The following LIN7A variants were observed in gnomAD, a reference collection of about 807,000 sequenced individuals.
LIN7A encodes protein lin-7 homolog A.
In LIN7A, 25 loss-of-function variants were observed where a neutral mutation model predicts 29.8. That is an observed-to-expected ratio of 0.84 (90% CI 0.61 to 1.17). The LOEUF (loss-of-function observed/expected upper bound fraction) is 1.17, where lower values mean the gene tolerates loss of function less well. Among genes scored for constraint, LIN7A ranks in the 50% most tolerant of loss-of-function variants. LIN7A has a pLI of 0.00. For synonymous variants in LIN7A, 118 were observed against 107.5 expected (o/e 1.10, Z -0.60); for missense variants, 239 against 287.0 (o/e 0.83, Z 1.21).
chr12:80,863,208 T>G (rs539068519), intron 2 of LIN7A, among the ~76,000 whole-genome samples: 2 of 152,334 alleles, frequency 1.3e-5, no homozygotes, highest in African/African-American at 4.8e-5. Flanking sequence ...CTGATTTCTA[T>G]TAGAGTTCTA....
At chr12:80,802,371 C>T (rs1358955737) in intron 5 of LIN7A, among the ~76,000 whole-genome samples, 1 of 152,158 alleles carries the variant, frequency 6.6e-6, no homozygotes, top group Non-Finnish European at 1.5e-5. Flanking sequence ...TTAGCTGAAG[C>T]TGGACACCTA....
intron 2 of LIN7A, among the ~76,000 whole-genome samples, chr12:80,851,461 AG>A (rs1195601262): frequency 6.6e-6 from 1 of 151,766 alleles, no homozygotes; most frequent in Non-Finnish European, 1.5e-5. Context: ...CAAATCCTGG[AG>A]ATATTAATTC....
intron 1 of LIN7A, among the ~76,000 whole-genome samples, chr12:80,902,160 G>A (rs963665195): frequency 1.3e-5 from 2 of 150,872 alleles, no homozygotes; most frequent in African/African-American, 4.9e-5. Context: ...AAGATCAGAC[G>A]ATTGTAGGTG....
chr12:80,832,470 G>A (rs1427028933), intron 4 of LIN7A: 2 of 451,914 alleles, frequency 4.4e-6, no homozygotes, highest in Admixed American at 2.8e-5. Flanking sequence ...ATCAACTCTG[G>A]TGCTCCTCCA....
chr12:80,805,912 A>C (rs1870954609), intron 5 of LIN7A, among the ~76,000 whole-genome samples: 1 of 126,146 alleles, frequency 7.9e-6, no homozygotes, highest in South Asian at 2.5e-4. Context: ...TGCTGAGACC[A>C]TGTAAGACGT....
intron 3 of LIN7A, among the ~76,000 whole-genome samples, chr12:80,847,578 T>A (rs1193469293): frequency 6.6e-6 from 1 of 152,082 alleles, no homozygotes; most frequent in Non-Finnish European, 1.5e-5. Flanking sequence ...TTATAACATT[T>A]GTGTGTTTGT....
intron 2 of LIN7A, among the ~76,000 whole-genome samples, chr12:80,873,061 G>A (rs1874501152): frequency 6.6e-6 from 1 of 152,196 alleles, no homozygotes; most frequent in African/African-American, 2.4e-5. Context: ...GATGTGTGTG[G>A]CACTGTTCTC....
At chr12:80,915,147 A>G (rs1876963020) in intron 1 of LIN7A, among the ~76,000 whole-genome samples, 1 of 138,642 alleles carries the variant, frequency 7.2e-6, no homozygotes, top group Non-Finnish European at 1.5e-5. Flanking sequence ...ACTTAAATCA[A>G]CAAGCAAAAA....
chr12:80,860,011 G>A (rs1281763110), intron 2 of LIN7A, among the ~76,000 whole-genome samples: 2 of 151,966 alleles, frequency 1.3e-5, no homozygotes, highest in Non-Finnish European at 1.5e-5. Flanking sequence ...ACTCCAATTT[G>A]GATGCATCAT....
At chr12:80,931,623 G>A (rs1877910806) in intron 1 of LIN7A, among the ~76,000 whole-genome samples, 3 of 146,998 alleles carry the variant, frequency 2.0e-5, no homozygotes, top group African/African-American at 5.2e-5. Context: ...GGGCAACAGG[G>A]CAAGACTCTG....
At chr12:80,832,744 A>G in intron 4 of LIN7A, 1 of 422,044 alleles carries the variant, frequency 2.4e-6, no homozygotes, top group Non-Finnish European at 4.7e-6. Context: ...TATTTATGGC[A>G]TAGTGTACAA....
At chr12:80,819,965 C>T (rs919853394) in intron 4 of LIN7A, among the ~76,000 whole-genome samples, 2 of 152,020 alleles carry the variant, frequency 1.3e-5, no homozygotes, top group African/African-American at 2.4e-5. Context: ...AAAAGTTTAC[C>T]AAGTAAATTA....
intron 4 of LIN7A, among the ~76,000 whole-genome samples, chr12:80,817,375 T>G (rs1423835412): frequency 3.9e-5 from 6 of 152,156 alleles, no homozygotes; most frequent in Non-Finnish European, 8.8e-5. Flanking sequence ...GCACTATCAG[T>G]CATCAACTGG....
chr12:80,818,883 G>A (rs571403583), intron 4 of LIN7A, among the ~76,000 whole-genome samples: 1 of 152,220 alleles, frequency 6.6e-6, no homozygotes, highest in East Asian at 1.9e-4. Context: ...GTGTTGGTTA[G>A]ATGAGGGAAA....
intron 5 of LIN7A, among the ~76,000 whole-genome samples, chr12:80,808,785 G>A (rs1402276014): frequency 1.3e-5 from 2 of 151,504 alleles, no homozygotes; most frequent in East Asian, 4.0e-4. Context: ...GATTACAGGC[G>A]TGAGCCACCA....
At chr12:80,901,059 C>G (rs184959078) in intron 1 of LIN7A, among the ~76,000 whole-genome samples, 1 of 152,238 alleles carries the variant, frequency 6.6e-6, no homozygotes, top group East Asian at 1.9e-4. Flanking sequence ...CAAACTACAA[C>G]AGTTTACATG....
intron 4 of LIN7A, among the ~76,000 whole-genome samples, chr12:80,837,091 G>A (rs1171670920): frequency 6.6e-6 from 1 of 152,138 alleles, no homozygotes; most frequent in African/African-American, 2.4e-5. Context: ...TCAGAACTAG[G>A]AGTAGAGTGG....
At chr12:80,922,902 G>T (rs1440459460) in intron 1 of LIN7A, among the ~76,000 whole-genome samples, 1 of 152,090 alleles carries the variant, frequency 6.6e-6, no homozygotes, top group African/African-American at 2.4e-5. Context: ...ACAGTATACA[G>T]AGGGTTCACT....
chr12:80,866,010 G>T (rs1466293148), intron 2 of LIN7A, among the ~76,000 whole-genome samples: 1 of 152,152 alleles, frequency 6.6e-6, no homozygotes, highest in Non-Finnish European at 1.5e-5. Context: ...TTCAGCAGTG[G>T]TGTTTTAAAA....
Sources: allele counts gnomAD v4.1 joint callset (sites outside exome capture counted in the v4.1 genomes callset), GRCh38; gene constraint gnomAD v4.1.1; transcripts MANE v1.5; gene names NCBI Gene and HGNC (gene_info 2026-07-23, HGNC 2026-07-21).